SNTB2: variants seen among roughly 807,000 people sequenced by gnomAD.
The protein encoded by SNTB2 is syntrophin beta 2, also known as beta-2-syntrophin.
SNTB2 carries 34 observed loss-of-function variants against 46.2 expected under a neutral mutation model. That is an observed-to-expected ratio of 0.74 (90% confidence interval 0.56 to 0.98). SNTB2 has a LOEUF of 0.98. Ranked by LOEUF, SNTB2 falls within the 50% of genes least tolerant of loss-of-function variation. SNTB2 has a pLI of 0.00. For missense variants in SNTB2, 603 were observed against 731.4 expected, an observed-to-expected ratio of 0.82 and a Z score of 2.02; for synonymous variants, 290 against 312.6, an observed-to-expected ratio of 0.93 and a Z score of 0.76.
chr16:69,222,690 T>C (rs1964418191), intron 1 of SNTB2, among the ~76,000 whole-genome samples: 1 of 152,048 alleles, frequency 6.6e-6, no homozygotes, highest in African/African-American at 2.4e-5. Flanking sequence ...ACAAAATACA[T>C]AGACAAAAAG....
At chr16:69,249,847 C>A (rs1039279083) in intron 2 of SNTB2, among the ~76,000 whole-genome samples, 3 of 151,994 alleles carry the variant, frequency 2.0e-5, no homozygotes, top group Non-Finnish European at 4.4e-5. Flanking sequence ...ACCTGTAATC[C>A]CAGCACTTTG....
chr16:69,292,381 ATATATATATTATATATATATATATATTAT>A (rs1965172925), intron 5 of SNTB2, among the ~76,000 whole-genome samples: 1 of 21,248 alleles, frequency 4.7e-5, no homozygotes, highest in Admixed American at 8.3e-4. Context: ...TATATATATT[ATATATATATTATATATATATATATATTAT>A]ATATATATTA....
chr16:69,267,624 G>C (rs1432422132), intron 3 of SNTB2, among the ~76,000 whole-genome samples: 2 of 151,738 alleles, frequency 1.3e-5, no homozygotes, highest in Non-Finnish European at 2.9e-5. Flanking sequence ...GTTAGGTTTT[G>C]TTTTTTTTGC....
chr16:69,260,350 C>T (rs753093122), intron 3 of SNTB2, 90 bp downstream of exon 3: 2 of 1,152,730 alleles, frequency 1.7e-6, no homozygotes, highest in Admixed American at 4.3e-5. Flanking sequence ...ACTTACCATG[C>T]AGTTAGGACC....
chr16:69,198,653 A>G (rs1401995030), intron 1 of SNTB2, among the ~76,000 whole-genome samples: 1 of 152,196 alleles, frequency 6.6e-6, no homozygotes, highest in Non-Finnish European at 1.5e-5. Context: ...GGATGTAGTT[A>G]CAAAAATTAC....
At chr16:69,251,586 C>T (rs1250012742) in intron 2 of SNTB2, among the ~76,000 whole-genome samples, 8 of 151,690 alleles carry the variant, frequency 5.3e-5, no homozygotes, top group Non-Finnish European at 1.2e-4. Context: ...CAAGACCAGC[C>T]TGACCAACAT....
chr16:69,187,799 G>A, intron 1 of SNTB2, 53 bp downstream of exon 1: 1 of 1,333,252 alleles, frequency 7.5e-7, no homozygotes, highest in South Asian at 1.7e-5. Flanking sequence ...TGGGCTCGCG[G>A]GAGCTCACTT....
At chr16:69,298,569 T>G (rs375917871) in intron 5 of SNTB2, among the ~76,000 whole-genome samples, 13 of 142,186 alleles carry the variant, frequency 9.1e-5, no homozygotes, top group African/African-American at 3.4e-4. Context: ...TCACCCAGGC[T>G]GGAGTGCAGT....
intron 1 of SNTB2, among the ~76,000 whole-genome samples, chr16:69,210,687 A>G (rs1241265674): frequency 1.3e-5 from 2 of 151,954 alleles, no homozygotes; most frequent in East Asian, 1.9e-4. Flanking sequence ...CTGCCTGGCT[A>G]ATTTTTAAGA....
In SNTB2 at chr16:69,196,171, T is replaced by G. The variant is rs142031516; in HGVS notation, c.580+8425T>G. Reference sequence around the variant, plus strand: ...GGAGGATCACTTGAGCTCGGGAGATTGAGGCTGCAGTGAGCCATGTTTGAG... The same window carrying G: ...GGAGGATCACTTGAGCTCGGGAGATGGAGGCTGCAGTGAGCCATGTTTGAG... On this transcript the variant is annotated intron_variant, in intron 1 of 6. Coordinates refer to ENST00000336278, the MANE Select transcript of SNTB2 (RefSeq NM_006750.4). 7.5e-3 allele frequency among the ~76,000 whole-genome samples: 1,145 copies of G among 152,004 alleles called. 7 individuals carry two copies. Among genetic ancestry groups the G allele is most frequent in the Non-Finnish European group, 0.012 (816 of 67,984 alleles).
intron 1 of SNTB2, among the ~76,000 whole-genome samples, chr16:69,215,321 G>A (rs1964335850): frequency 6.6e-6 from 1 of 152,082 alleles, no homozygotes; most frequent in African/African-American, 2.4e-5. Context: ...GGAATTTGAG[G>A]CTGTAGGAAT....
At chr16:69,296,237 G>A (rs774127512) in intron 5 of SNTB2, among the ~76,000 whole-genome samples, 1 of 151,852 alleles carries the variant, frequency 6.6e-6, no homozygotes, top group African/African-American at 2.4e-5. Flanking sequence ...CTAAGATCAC[G>A]CCATTACACT....
intron 1 of SNTB2, among the ~76,000 whole-genome samples, chr16:69,242,582 T>C (rs1160374673): frequency 6.6e-6 from 1 of 152,222 alleles, no homozygotes; most frequent in Non-Finnish European, 1.5e-5. Context: ...ATATAAGCAC[T>C]ATTGATATTT....
chr16:69,188,800 G>A (rs1300761048), intron 1 of SNTB2, among the ~76,000 whole-genome samples: 5 of 152,330 alleles, frequency 3.3e-5, no homozygotes, highest in Admixed American at 2.6e-4. Flanking sequence ...GGGAGGAAAG[G>A]AATGAAGTTG....
chr16:69,189,566 G>A (rs1042175765), intron 1 of SNTB2, among the ~76,000 whole-genome samples: 5 of 152,088 alleles, frequency 3.3e-5, no homozygotes, highest in South Asian at 4.1e-4. Context: ...ACGAAACCTC[G>A]TCTCTACTAA....
intron 2 of SNTB2, among the ~76,000 whole-genome samples, chr16:69,247,306 T>G (rs778762901): frequency 1.3e-5 from 2 of 152,160 alleles, no homozygotes; most frequent in Non-Finnish European, 2.9e-5. Context: ...TCATATGTGT[T>G]CTATAACTTT....
intron 5 of SNTB2, among the ~76,000 whole-genome samples, chr16:69,297,325 A>G (rs915714111): frequency 6.7e-6 from 1 of 149,926 alleles, no homozygotes; most frequent in East Asian, 1.9e-4. Context: ...AAAAAAAAAA[A>G]AAAAAAAAAG....
At chr16:69,242,559 A>G (rs557935787) in intron 1 of SNTB2, among the ~76,000 whole-genome samples, 28 of 152,202 alleles carry the variant, frequency 1.8e-4, no homozygotes, top group Non-Finnish European at 3.7e-4. Flanking sequence ...AAAAAATGCA[A>G]TCCTACACCT....
rs567504250 is a variant in SNTB2 at position 69,222,619 on chromosome 16, G to A, written c.581-22983G>A. Among the ~76,000 whole-genome samples the A allele has an allele frequency of 3.8e-3, 570 of 150,524 alleles. 2 individuals are homozygous for A. Among genetic ancestry groups the A allele is most frequent in the Non-Finnish European group, 7.1e-3 (479 of 67,704 alleles). ...AAAAAAAAAAAAAAAGATTTTATAA[G>A]ATGTGTTAAAAAGCAAGATAAAAAT... On this transcript the variant is annotated intron_variant, in intron 1 of 6. Coordinates refer to ENST00000336278, the MANE Select transcript of SNTB2 (RefSeq NM_006750.4).
Sources: allele counts gnomAD v4.1 joint callset (sites outside exome capture counted in the v4.1 genomes callset), GRCh38; gene constraint gnomAD v4.1.1; transcripts MANE v1.5; gene names NCBI Gene and HGNC (gene_info 2026-07-23, HGNC 2026-07-21).